Variants in GPBP1 observed in about 807,000 individuals in gnomAD.
GPBP1 encodes GC-rich promoter binding protein 1.
Under a neutral mutation model 56.5 loss-of-function variants are expected in GPBP1, and 13 were observed. That is an observed-to-expected ratio of 0.23 (90% CI 0.15 to 0.37). GPBP1 has a LOEUF of 0.37. Among genes scored for constraint, GPBP1 ranks in the 10% least tolerant of loss-of-function variants. The pLI, the probability that GPBP1 is intolerant of heterozygous loss-of-function variation, is 1.00. For synonymous variants in GPBP1, 204 were observed against 188.9 expected (o/e 1.08, Z -0.66); for missense variants, 477 against 572.3 (o/e 0.83, Z 1.70).
intron 10 of GPBP1, among the ~76,000 whole-genome samples, chr5:57,253,028 C>G (rs1308115107): frequency 6.6e-6 from 1 of 152,138 alleles, no homozygotes; most frequent in Non-Finnish European, 1.5e-5. Flanking sequence ...CTTTTAACAG[C>G]ACTTTTTGCT....
rs1741994797 is a variant in GPBP1 at position 57,263,519 on chromosome 5, A to G, written c.*767A>G. 1 of 152,212 alleles carries G rather than the reference A, an allele frequency of 6.6e-6. No homozygotes were observed. The highest frequency in any genetic ancestry group is 2.1e-4 in the South Asian group (1 of 4,830). The allele number at this position is 152,212 out of a possible 1,614,324, so 9.4% of individuals were successfully genotyped here. A position where few individuals can be genotyped will look rare whatever the true frequency, so the allele number is the denominator to read the frequency against. On this transcript the variant is annotated 3_prime_UTR_variant, in exon 12 of 12. Transcript: ENST00000506184. ...AACTTATTTTGATAAATTATTACAC[A>G]CGCAGAAAAACTGATCACACTGACT...
chr5:57,260,337 T>C (rs935631602), intron 10 of GPBP1, among the ~76,000 whole-genome samples: 4 of 152,232 alleles, frequency 2.6e-5, no homozygotes, highest in Admixed American at 6.5e-5. Context: ...AAATGAGTTA[T>C]CTATTTGAAA....
chr5:57,249,345 G>A, intron 8 of GPBP1, 64 bp from the exon 9 acceptor site: 1 of 1,281,654 alleles, frequency 7.8e-7, no homozygotes, highest in Non-Finnish European at 1.1e-6. Context: ...TGGTAGTAGT[G>A]AATTTTATGT....
At chr5:57,246,060 A>G (rs1741072930) in intron 6 of GPBP1, 1 of 349,088 alleles carries the variant, frequency 2.9e-6, no homozygotes, top group Non-Finnish European at 5.2e-6. Context: ...ACTGTGTAGC[A>G]GAATTTATCT....
intron 3 of GPBP1, among the ~76,000 whole-genome samples, chr5:57,219,829 G>C (rs933116024): frequency 2.6e-5 from 4 of 152,230 alleles, no homozygotes; most frequent in Admixed American, 2.6e-4. Context: ...GAAGCAGGGG[G>C]ATCACCTGAG....
chr5:57,205,081 A>G (rs1253721887), intron 2 of GPBP1, among the ~76,000 whole-genome samples: 1 of 152,168 alleles, frequency 6.6e-6, no homozygotes, highest in Non-Finnish European at 1.5e-5. Context: ...ACCCCAAAAG[A>G]AAACTGTCTC....
rs1197664615 is a variant in GPBP1, at chr5:57,174,125, G to C, written c.-1097G>C. The C allele has an allele frequency of 6.5e-6, 1 of 153,248 alleles. No homozygotes were observed. 9.5% of individuals were successfully genotyped at this position (153,248 alleles called of 1,614,324 possible). On this transcript the variant is annotated 5_prime_UTR_variant, in exon 1 of 12. Transcript: ENST00000506184. ...TGTGGGGGAGGGAAAAGCGGCAAAAGGGGATTATTCAAAGTACCGAAAACC... is the reference window on the plus strand; with the variant it reads ...TGTGGGGGAGGGAAAAGCGGCAAAACGGGATTATTCAAAGTACCGAAAACC...
chr5:57,228,843 A>G (rs780914808), intron 3 of GPBP1, among the ~76,000 whole-genome samples: 8 of 152,030 alleles, frequency 5.3e-5, no homozygotes, highest in Non-Finnish European at 1.0e-4. Context: ...AAAAGATGAC[A>G]AATATAAGTA....
intron 2 of GPBP1, among the ~76,000 whole-genome samples, chr5:57,189,359 T>C (rs1186279925): frequency 1.3e-5 from 2 of 152,242 alleles, no homozygotes; most frequent in Non-Finnish European, 2.9e-5. Context: ...CTTCAGGTGA[T>C]CTGCCCACCT....
chr5:57,230,726 C>T (rs765258153), intron 3 of GPBP1, 120 bp from the exon 4 acceptor site: 3 of 821,476 alleles, frequency 3.7e-6, no homozygotes, highest in African/African-American at 1.7e-5. Flanking sequence ...TTGAAAATAA[C>T]TGCAATATGT....
intron 3 of GPBP1, among the ~76,000 whole-genome samples, chr5:57,216,634 C>G (rs1412754651): frequency 6.6e-6 from 1 of 151,964 alleles, no homozygotes; most frequent in East Asian, 1.9e-4. Context: ...TGCAGGGAGC[C>G]GAGATCGTGC....
chr5:57,207,575 TG>T (rs1366263080), intron 2 of GPBP1, among the ~76,000 whole-genome samples: 1 of 152,218 alleles, frequency 6.6e-6, no homozygotes, highest in African/African-American at 2.4e-5. Flanking sequence ...ATAGGCGGCT[TG>T]TGTTAGCTCA....
intron 2 of GPBP1, among the ~76,000 whole-genome samples, chr5:57,190,665 T>C (rs1343424038): frequency 1.3e-5 from 2 of 149,966 alleles, no homozygotes; most frequent in Admixed American, 1.3e-4. Context: ...GTCTGCTAGA[T>C]TCAAGACTGG....
chr5:57,243,921 T>C (rs1042380306), intron 6 of GPBP1, among the ~76,000 whole-genome samples: 2 of 151,940 alleles, frequency 1.3e-5, no homozygotes, highest in Non-Finnish European at 2.9e-5. Context: ...ACTCCTGGAC[T>C]CAAGCGGTCC....
At chr5:57,175,271 T>C (rs892996124) in intron 1 of GPBP1, among the ~76,000 whole-genome samples, 177 bp from the exon 2 acceptor site, 2 of 152,198 alleles carry the variant, frequency 1.3e-5, no homozygotes. Flanking sequence ...TCCGATGTCT[T>C]GTTCATTCAG....
At chr5:57,197,360 CTTTTTTTT>C (rs34110209) in intron 2 of GPBP1, among the ~76,000 whole-genome samples, 4 of 119,882 alleles carry the variant, frequency 3.3e-5, no homozygotes, top group Non-Finnish European at 4.9e-5. Flanking sequence ...TATCATTTTG[CTTTTTTTT>C]TTTTTTTTTG....
intron 3 of GPBP1, among the ~76,000 whole-genome samples, chr5:57,225,500 A>AG (rs1428129547): frequency 7.5e-6 from 1 of 132,636 alleles, no homozygotes; most frequent in African/African-American, 3.1e-5. Flanking sequence ...TCAAAAAAAA[A>AG]AAAAAAAAAA....
At chr5:57,176,642 C>T (rs1463399396) in intron 2 of GPBP1, among the ~76,000 whole-genome samples, 1 of 152,184 alleles carries the variant, frequency 6.6e-6, no homozygotes, top group African/African-American at 2.4e-5. Flanking sequence ...AGTTTTTGCG[C>T]TTTTTAAGTA....
chr5:57,245,389 T>C (rs1265849731), intron 6 of GPBP1: 1 of 152,176 alleles, frequency 6.6e-6, no homozygotes, highest in Non-Finnish European at 1.5e-5. Flanking sequence ...CCATATTTAG[T>C]TTTGGGTTTT....
Sources: gnomAD v4.1 joint callset for allele counts (sites outside exome capture counted in the v4.1 genomes callset) on GRCh38, gnomAD v4.1.1 for gene constraint, MANE v1.5 for transcripts, NCBI Gene and HGNC (gene_info 2026-07-23, HGNC 2026-07-21) for gene names.